Variants in IQCJ observed in about 807,000 individuals in gnomAD.
IQCJ encodes IQ motif containing J.
A neutral mutation model predicts 11.0 loss-of-function variants in IQCJ; 9 were observed. The observed-to-expected ratio is 0.82, with a 90% CI of 0.49 to 1.43. The LOEUF is 1.43. Ranked by LOEUF, IQCJ falls within the 40% of genes most tolerant of loss-of-function variation. The pLI is 0.00. For missense variants in IQCJ, 146 were observed against 133.2 expected, an observed-to-expected ratio of 1.10 and a Z score of -0.47; for synonymous variants, 55 against 51.3, an observed-to-expected ratio of 1.07 and a Z score of -0.31.
intron 1 of IQCJ, among the ~76,000 whole-genome samples, chr3:159,175,941 T>A (rs151238814): frequency 1.2e-4 from 19 of 152,290 alleles, no homozygotes; most frequent in African/African-American, 4.6e-4. Flanking sequence ...TGTATGGGAG[T>A]TCCAGTTGTT....
intron 1 of IQCJ, among the ~76,000 whole-genome samples, chr3:159,085,900 G>A (rs903247194): frequency 1.3e-5 from 2 of 150,602 alleles, no homozygotes; most frequent in Non-Finnish European, 3.0e-5. Flanking sequence ...TTCTTTTGCT[G>A]TGCAGAAGCT....
At chr3:159,086,317 T>TA (rs1716766026) in intron 1 of IQCJ, among the ~76,000 whole-genome samples, 1 of 152,232 alleles carries the variant, frequency 6.6e-6, no homozygotes, top group Admixed American at 6.5e-5. Flanking sequence ...TTGGTTATTG[T>TA]AGCCTTGTAG....
rs545954203 is a variant in IQCJ, at chr3:159,102,768, A to G, written c.9+33327A>G. On this transcript the variant is annotated intron_variant, in intron 1 of 3. Transcript: ENST00000397832. ...GCTAGTGCCCAAACTTTTAGTTGGT[A>G]TAGATATTGTGCTTTCTTCTCTTCA... Among the ~76,000 whole-genome samples, 11 of 152,318 alleles carry G rather than the reference A, an allele frequency of 7.2e-5. No individual in the cohort carries two copies. In the South Asian group the frequency reaches 2.3e-3, roughly 32 times the overall value.
chr3:159,215,559 T>A (rs549486381), intron 1 of IQCJ, among the ~76,000 whole-genome samples: 4 of 152,174 alleles, frequency 2.6e-5, no homozygotes, highest in Non-Finnish European at 5.9e-5. Flanking sequence ...TTCAAAGAAG[T>A]AGAAAACCAG....
chr3:159,134,743 A>G (rs1054114144), intron 1 of IQCJ, among the ~76,000 whole-genome samples: 8 of 152,142 alleles, frequency 5.3e-5, no homozygotes, highest in African/African-American at 1.4e-4. Context: ...ACCATCAACA[A>G]TTACCTGTAC....
chr3:159,114,702 C>G (rs769706857), intron 1 of IQCJ, among the ~76,000 whole-genome samples: 1 of 152,182 alleles, frequency 6.6e-6, no homozygotes, highest in Non-Finnish European at 1.5e-5. Flanking sequence ...AGCTGGAGAG[C>G]CACAGCCTCT....
chr3:159,094,385 T>C (rs1254565603), intron 1 of IQCJ, among the ~76,000 whole-genome samples: 1 of 151,456 alleles, frequency 6.6e-6, no homozygotes, highest in Non-Finnish European at 1.5e-5. Flanking sequence ...AGGATCTTTT[T>C]TGTTTTAATT....
intron 2 of IQCJ, among the ~76,000 whole-genome samples, chr3:159,251,873 G>A (rs142099559): frequency 2.0e-5 from 3 of 152,180 alleles, no homozygotes; most frequent in African/African-American, 7.2e-5. Context: ...AAGTGACTTA[G>A]TTAATGGAAG....
intron 2 of IQCJ, among the ~76,000 whole-genome samples, chr3:159,249,201 A>G (rs1440920519): frequency 6.6e-6 from 1 of 152,056 alleles, no homozygotes; most frequent in Non-Finnish European, 1.5e-5. Context: ...TTGTTCTGCT[A>G]ACTGACCACA....
intron 1 of IQCJ, among the ~76,000 whole-genome samples, chr3:159,163,768 T>C (rs1722010771): frequency 6.6e-6 from 1 of 152,152 alleles, no homozygotes; most frequent in African/African-American, 2.4e-5. Flanking sequence ...AAAGAGTGTT[T>C]ATTATCTGCC....
intron 1 of IQCJ, among the ~76,000 whole-genome samples, chr3:159,089,025 C>T (rs928894274): frequency 4.7e-4 from 72 of 152,092 alleles, no homozygotes; most frequent in African/African-American, 1.7e-3. Context: ...CGATGGTCTT[C>T]ACATTTTGGC....
chr3:159,237,640 G>A (rs1244443078), intron 1 of IQCJ, among the ~76,000 whole-genome samples: 1 of 152,240 alleles, frequency 6.6e-6, no homozygotes, highest in Admixed American at 6.5e-5. Flanking sequence ...AATGCTGTGT[G>A]TCTGGATTGT....
chr3:159,143,532 G>A (rs996367724), intron 1 of IQCJ, among the ~76,000 whole-genome samples: 1 of 152,090 alleles, frequency 6.6e-6, no homozygotes, highest in African/African-American at 2.4e-5. Context: ...TTATTCTCCT[G>A]TTGCCTTAAA....
chr3:159,116,386 T>C (rs982914318), intron 1 of IQCJ, among the ~76,000 whole-genome samples: 1 of 152,036 alleles, frequency 6.6e-6, no homozygotes, highest in African/African-American at 2.4e-5. Context: ...TCTCCAACAC[T>C]GTCTCTTTTT....
intron 1 of IQCJ, among the ~76,000 whole-genome samples, chr3:159,210,550 G>A (rs867821408): frequency 1.3e-5 from 2 of 152,186 alleles, no homozygotes; most frequent in Non-Finnish European, 2.9e-5. Context: ...TCATATCCCT[G>A]TGTGTGAATA....
At chr3:159,211,721 A>G (rs1302173812) in intron 1 of IQCJ, among the ~76,000 whole-genome samples, 1 of 152,200 alleles carries the variant, frequency 6.6e-6, no homozygotes, top group Non-Finnish European at 1.5e-5. Flanking sequence ...TTGGACTTGC[A>G]GATGAGTAGT....
chr3:159,131,186 C>T (rs965119500), intron 1 of IQCJ, among the ~76,000 whole-genome samples: 1 of 152,062 alleles, frequency 6.6e-6, no homozygotes, highest in African/African-American at 2.4e-5. Context: ...TTGTGTGACT[C>T]GGAGCAAGTA....
intron 1 of IQCJ, among the ~76,000 whole-genome samples, chr3:159,235,639 GA>G (rs1240236384): frequency 6.6e-6 from 1 of 152,088 alleles, no homozygotes; most frequent in African/African-American, 2.4e-5. Flanking sequence ...TCTACTCTTG[GA>G]GGATCTCAGG....
intron 1 of IQCJ, among the ~76,000 whole-genome samples, chr3:159,175,289 G>C (rs1722732414): frequency 6.6e-6 from 1 of 151,968 alleles, no homozygotes; most frequent in Admixed American, 6.6e-5. Flanking sequence ...CTGGCAACAT[G>C]GCGAAATCCC....
Sources: allele counts gnomAD v4.1 joint callset (sites outside exome capture counted in the v4.1 genomes callset), GRCh38; gene constraint gnomAD v4.1.1; transcripts MANE v1.5; gene names NCBI Gene and HGNC (gene_info 2026-07-23, HGNC 2026-07-21).